The following CRISPLD2 variants were observed in gnomAD, a reference collection of about 807,000 sequenced individuals.
The protein encoded by CRISPLD2 is cysteine rich secretory protein LCCL domain containing 2, also known as cysteine-rich secretory protein LCCL domain-containing 2.
In CRISPLD2, 47 loss-of-function variants were observed where a neutral mutation model predicts 71.1. That is an observed-to-expected ratio of 0.66 (90% CI 0.52 to 0.84). The LOEUF is 0.84. Among genes scored for constraint, CRISPLD2 ranks in the 40% least tolerant of loss-of-function variants. The pLI is 0.00. For missense variants in CRISPLD2, 830 were observed against 651.1 expected, an observed-to-expected ratio of 1.27 and a Z score of -2.99; for synonymous variants, 317 against 250.1, an observed-to-expected ratio of 1.27 and a Z score of -2.52.
At chr16:84,878,436 G>A (rs568752430) in intron 12 of CRISPLD2, among the ~76,000 whole-genome samples, 4 of 142,220 alleles carry the variant, frequency 2.8e-5, no homozygotes, top group African/African-American at 9.4e-5. Context: ...CGCCGTGGCA[G>A]GGTGTGGTCT....
intron 4 of CRISPLD2, 51 bp downstream of exon 4, chr16:84,849,568 T>G: frequency 6.4e-7 from 1 of 1,571,518 alleles, no homozygotes; most frequent in Non-Finnish European, 8.7e-7. Flanking sequence ...ATCCCAGTCA[T>G]TCACCCCCTG....
intron 12 of CRISPLD2, 144 bp downstream of exon 12, chr16:84,877,654 A>C (rs1006086396): frequency 7.0e-6 from 4 of 567,906 alleles, no homozygotes; most frequent in Non-Finnish European, 1.2e-5. Flanking sequence ...GTTCGTGACC[A>C]GCCTGGCCAA....
In CRISPLD2 at chr16:84,872,660, G is replaced by A. The variant is rs1275084816; in HGVS notation, c.981+152G>A. The A allele has an allele frequency of 1.1e-5, 8 of 729,488 alleles. 1 individual carries two copies. The South Asian group carries it at 1.5e-4, about 14-fold the overall frequency. The allele number at this position is 729,488 out of a possible 1,614,324, so 45.2% of individuals were successfully genotyped here. A position where few individuals can be genotyped will look rare whatever the true frequency, so the allele number is the denominator to read the frequency against. Reference sequence around the variant, plus strand: ...AACTGGGGCGGGTGTATATTTATGGGCTTACAAACTAGCAAAGCCACTTTC... The same window carrying A: ...AACTGGGGCGGGTGTATATTTATGGACTTACAAACTAGCAAAGCCACTTTC... On this transcript the variant is annotated intron_variant, in intron 9 of 14. Transcript: ENST00000262424.
Position 84,878,650 on chromosome 16 carries a change from G to A in CRISPLD2, c.1229+1140G>A, listed in dbSNP as rs964559750. 2.6e-5 allele frequency among the ~76,000 whole-genome samples: 4 copies of A among 152,180 alleles called. No homozygotes were observed. The East Asian group carries it at 5.8e-4, about 22-fold the overall frequency. ...CGATGCCTCCCAGCATAAAATAAAG[G>A]GTGTCCTGGGAACAGCTGTCGCTGA... is the stretch of plus-strand genomic sequence containing the variant. On this transcript the variant is annotated intron_variant, in intron 12 of 14. Transcript: ENST00000262424.
Position 84,876,327 on chromosome 16 carries a change from C to G in CRISPLD2, c.1157-1111C>G, listed in dbSNP as rs146942524. 6.8e-3 allele frequency among the ~76,000 whole-genome samples: 1,031 copies of G among 152,186 alleles called. 14 individuals carry two copies. Among genetic ancestry groups the G allele is most frequent in the African/African-American group, 0.022 (922 of 41,532 alleles). On this transcript the variant is annotated intron_variant, in intron 11 of 14. Coordinates refer to ENST00000262424, the MANE Select transcript of CRISPLD2 (RefSeq NM_031476.4). ...GACCAGCCTGGCCAACATGGTGAAA[C>G]CCCGTCTCTACTAAAAATACAAAAA...
intron 13 of CRISPLD2, among the ~76,000 whole-genome samples, chr16:84,883,032 T>G (rs1168334281): frequency 5.3e-5 from 8 of 152,172 alleles, no homozygotes; most frequent in Non-Finnish European, 1.0e-4. Flanking sequence ...GGGACCACTG[T>G]GCTCATGACA....
chr16:84,882,316 A>T (rs1298918129), intron 13 of CRISPLD2, among the ~76,000 whole-genome samples: 3 of 147,634 alleles, frequency 2.0e-5, no homozygotes. Flanking sequence ...AACTGTACAC[A>T]CCAAACAATA....
chr16:84,896,218 T>C (rs1567705787), intron 14 of CRISPLD2, among the ~76,000 whole-genome samples: 1 of 151,916 alleles, frequency 6.6e-6, no homozygotes, highest in Non-Finnish European at 1.5e-5. Flanking sequence ...TTTTCATATA[T>C]ATATATGTTT....
chr16:84,874,097 CT>C, intron 11 of CRISPLD2, 134 bp downstream of exon 11: 1 of 827,378 alleles, frequency 1.2e-6, no homozygotes. Flanking sequence ...ATTGTCAAGC[CT>C]TTTTCAAGAC....
chr16:84,890,412 A>G (rs988590210), intron 14 of CRISPLD2, among the ~76,000 whole-genome samples: 1 of 151,832 alleles, frequency 6.6e-6, no homozygotes, highest in Non-Finnish European at 1.5e-5. Flanking sequence ...GGTTATGTTG[A>G]TTACTCCGTA....
intron 8 of CRISPLD2, 149 bp downstream of exon 8, chr16:84,869,060 G>A: frequency 1.5e-6 from 1 of 669,930 alleles, no homozygotes; most frequent in South Asian, 2.2e-5. Context: ...GGTTAGGGCT[G>A]GGCAGTGTCT....
At chr16:84,901,570 C>A (rs1243051245) in intron 14 of CRISPLD2, among the ~76,000 whole-genome samples, 1 of 148,104 alleles carries the variant, frequency 6.8e-6, no homozygotes, top group Non-Finnish European at 1.5e-5. Flanking sequence ...CTCCTGGATT[C>A]AAATTATTCT....
chr16:84,847,939 C>T (rs1475493398), intron 3 of CRISPLD2, among the ~76,000 whole-genome samples: 10 of 152,316 alleles, frequency 6.6e-5, no homozygotes, highest in East Asian at 5.8e-4. Context: ...AAAGTTGACC[C>T]GTTGGCTCTT....
chr16:84,884,128 A>C (rs2071591598), intron 13 of CRISPLD2, among the ~76,000 whole-genome samples: 1 of 152,184 alleles, frequency 6.6e-6, no homozygotes, highest in African/African-American at 2.4e-5. Context: ...TACAGGCGTG[A>C]GCCACCACAC....
intron 6 of CRISPLD2, among the ~76,000 whole-genome samples, chr16:84,856,404 A>C (rs1337213539): frequency 6.6e-6 from 1 of 152,162 alleles, no homozygotes; most frequent in Admixed American, 6.6e-5. Flanking sequence ...GAGGAGCCCA[A>C]AGTGTCCAGG....
intron 8 of CRISPLD2, among the ~76,000 whole-genome samples, chr16:84,869,848 C>A (rs1381579541): frequency 6.6e-6 from 1 of 152,264 alleles, no homozygotes; most frequent in Non-Finnish European, 1.5e-5. Context: ...ATAGCATCAC[C>A]CCTGAGTAGT....
chr16:84,861,032 G>A (rs1433921017), intron 6 of CRISPLD2, among the ~76,000 whole-genome samples: 7 of 152,146 alleles, frequency 4.6e-5, no homozygotes, highest in Non-Finnish European at 1.0e-4. Context: ...ATAGTCAGAG[G>A]TATTCAGTCT....
At chr16:84,861,377 A>G (rs1273658189) in intron 6 of CRISPLD2, among the ~76,000 whole-genome samples, 1 of 152,162 alleles carries the variant, frequency 6.6e-6, no homozygotes, top group Non-Finnish European at 1.5e-5. Flanking sequence ...CACAATCACA[A>G]GGTCCCACAG....
At chr16:84,843,559 T>C (rs1289580624) in intron 2 of CRISPLD2, among the ~76,000 whole-genome samples, 1 of 152,216 alleles carries the variant, frequency 6.6e-6, no homozygotes, top group Non-Finnish European at 1.5e-5. Context: ...CCTTTCTGTT[T>C]ATATTTCCTC....
Sources: gnomAD v4.1 joint callset for allele counts (sites outside exome capture counted in the v4.1 genomes callset) on GRCh38, gnomAD v4.1.1 for gene constraint, MANE v1.5 for transcripts, NCBI Gene and HGNC (gene_info 2026-07-23, HGNC 2026-07-21) for gene names.